The following C1orf226 variants were observed in gnomAD, a reference collection of about 807,000 sequenced individuals.
C1orf226 encodes the protein chromosome 1 open reading frame 226, also known as uncharacterized protein C1orf226.
A neutral mutation model predicts 10.5 loss-of-function variants in C1orf226; 4 were observed. That is an observed-to-expected ratio of 0.38 (90% CI 0.19 to 0.87). The LOEUF (loss-of-function observed/expected upper bound fraction) is 0.87. C1orf226 is among the 40% of genes least tolerant of loss of function. The probability of loss-of-function intolerance (pLI) is 0.41; values close to 1 mark genes in which losing one functional copy is unlikely to be tolerated. For synonymous variants in C1orf226, 125 were observed against 139.3 expected (o/e 0.90, Z 0.72); for missense variants, 313 against 336.2 (o/e 0.93, Z 0.54).
chr1:162,383,311 G>T lies in C1orf226; in HGVS notation c.447G>T (p.Glu149Asp). The T allele has an allele frequency of 6.2e-7, 1 of 1,612,994 alleles. No individual in the cohort carries two copies. The highest frequency in any genetic ancestry group is 8.5e-7 in the Non-Finnish European group (1 of 1,179,396). ...ISSQPVLSSL[E>D]YGTEPSPGQA... is the part of the protein sequence containing the mutation. ...CACAGCCTGTCCTCAGCAGTCTGGA[G>T]TATGGGACAGAGCCATCACCTGGGC... is the stretch of plus-strand genomic sequence containing the variant. The change falls in exon 2 of 2, where the codon GAG becomes GAT. Residue 149 changes from glutamate (E) to aspartate (D), a missense_variant. Glu to Asp is a conservative substitution (Grantham distance 45). Transcript: ENST00000458626.
chr1:162,383,624 G>A lies in C1orf226; in HGVS notation c.760G>A (p.Ala254Thr). 6.2e-7 allele frequency: 1 copy of A among 1,609,294 alleles called. No homozygotes were observed. The highest frequency in any genetic ancestry group is 8.5e-7 in the Non-Finnish European group (1 of 1,177,966). The change falls in exon 2 of 2, where the codon GCA becomes ACA. Residue 254 changes from alanine (A) to threonine (T), a missense_variant. Ala to Thr is a moderately conservative substitution (Grantham distance 58, BLOSUM62 0). Coordinates refer to ENST00000458626, the MANE Select transcript of C1orf226 (RefSeq NM_001085375.2). Reference protein sequence around the residue: ...SWEDGSPPPQARTSSLDNEGP... With the variant: ...SWEDGSPPPQTRTSSLDNEGP... ...GGAGGATGGCAGCCCCCCTCCTCAG[G>A]CACGGACCTCCAGCCTCGACAATGA...
rs868392208 is a variant in C1orf226 at position 162,383,244 on chromosome 1, C to A, written c.380C>A (p.Thr127Asn). Reference sequence around the variant, plus strand: ...CCACCTCCCATAACCAGAAAGCGAACCCCTCGGGCCCTGAAGACCACCCAG... The same window carrying A: ...CCACCTCCCATAACCAGAAAGCGAAACCCTCGGGCCCTGAAGACCACCCAG... ...DPPPPITRKRTPRALKTTQDM... is the reference protein window; with the variant it reads ...DPPPPITRKRNPRALKTTQDM... The change falls in exon 2 of 2, where the codon ACC becomes AAC. Residue 127 changes from threonine (T) to asparagine (N), a missense_variant. Coordinates refer to ENST00000458626, the MANE Select transcript of C1orf226 (RefSeq NM_001085375.2). 1 of 1,612,538 alleles carries A rather than the reference C, an allele frequency of 6.2e-7. No homozygotes were observed. Among genetic ancestry groups the A allele is most frequent in the Non-Finnish European group, 8.5e-7 (1 of 1,179,290 alleles).
rs759216619 is a variant in C1orf226, at chr1:162,382,036, G to A, written c.135G>A (p.Val45=). 1 of 1,611,118 alleles carries A rather than the reference G, an allele frequency of 6.2e-7. No individual in the cohort carries two copies. Among genetic ancestry groups the A allele is most frequent in the Non-Finnish European group, 8.5e-7 (1 of 1,178,982 alleles). ...AGCCTGGGGGGCCAGGACTCTGGGT[G>A]GGCAGCAGCCAGCACCTCAAGAACC... ...SGEPGGPGLW[V]GSSQHLKNLG... is the part of the protein sequence containing the mutation. The change falls in exon 1 of 2, where the codon GTG becomes GTA. Residue 45 remains valine, a synonymous_variant. Coordinates refer to ENST00000458626, the MANE Select transcript of C1orf226 (RefSeq NM_001085375.2).
upstream of C1orf226, chr1:162,379,037 A>G: frequency 2.0e-6 from 3 of 1,531,088 alleles, no homozygotes; most frequent in Non-Finnish European, 2.7e-6. Context: ...GACAGGTAAG[A>G]TATCCTGTTT....
At chr1:162,379,107 G>T, upstream of C1orf226, 3 of 937,126 alleles carry the variant, frequency 3.2e-6, no homozygotes, top group South Asian at 3.0e-5. Flanking sequence ...GCATGTTGGG[G>T]GGTACTGTTG....
At chr1:162,379,044 GT>G (rs777689200), upstream of C1orf226, 9 of 1,507,992 alleles carry the variant, frequency 6.0e-6, no homozygotes, top group East Asian at 2.5e-5. Context: ...AAGATATCCT[GT>G]TTTTTTGTGG....
At position 162,382,075 on chromosome 1, in the gene C1orf226, G is replaced by A. The variant is rs1045168088; in HGVS notation, c.174G>A (p.Met58Ile). The A allele has an allele frequency of 2.3e-5, 37 of 1,602,564 alleles. No individual in the cohort carries two copies. The highest frequency in any genetic ancestry group is 3.2e-5 in the Non-Finnish European group (37 of 1,174,522). Residue 58 changes from methionine to isoleucine, a missense_variant, in exon 1 of 2, where the codon ATG becomes ATA. Transcript: ENST00000458626. ...SQHLKNLGKA[M>I]GAKVNDFLRR... ...ACCTCAAGAACCTGGGCAAAGCCATGGGGGCCAAAGTGAATGACTTCCTGA... is the reference window on the plus strand; with the variant it reads ...ACCTCAAGAACCTGGGCAAAGCCATAGGGGCCAAAGTGAATGACTTCCTGA...
In C1orf226 at chr1:162,381,978, T is replaced by C; in HGVS notation, c.77T>C (p.Val26Ala). Residue 26 changes from valine to alanine, a missense_variant, in exon 1 of 2, where the codon GTG (valine) becomes GCG (alanine). Val to Ala is a moderately conservative substitution (Grantham distance 64). Coordinates refer to ENST00000458626, the MANE Select transcript of C1orf226 (RefSeq NM_001085375.2). ...SRSFPHLSKPVAPGSAPLGSG... is the reference protein window; with the variant it reads ...SRSFPHLSKPAAPGSAPLGSG... ...TCCTTCCCCCACTTGTCCAAGCCCG[T>C]GGCCCCCGGCTCTGCCCCTCTGGGC... 6.2e-7 allele frequency: 1 copy of C among 1,612,870 alleles called. No homozygotes were observed. The highest frequency in any genetic ancestry group is 8.5e-7 in the Non-Finnish European group (1 of 1,179,856).
At chr1:162,381,159 T>C (rs1313923023), upstream of C1orf226, among the ~76,000 whole-genome samples, 1 of 152,232 alleles carries the variant, frequency 6.6e-6, no homozygotes, top group East Asian at 1.9e-4. Flanking sequence ...GGCACGGCAC[T>C]GCATTACGCG....
At chr1:162,379,081 C>A, upstream of C1orf226, 2 of 1,264,976 alleles carry the variant, frequency 1.6e-6, no homozygotes, top group Non-Finnish European at 1.1e-6. Flanking sequence ...AGATGCCCTC[C>A]TCTGCTTGGG....
At position 162,381,870 on chromosome 1, in the gene C1orf226, C is replaced by T. The variant is rs1647924001; in HGVS notation, c.-32C>T. 1 of 1,609,426 alleles carries T rather than the reference C, an allele frequency of 6.2e-7. No individual in the cohort carries two copies. Among genetic ancestry groups the T allele is most frequent in the African/African-American group, 1.3e-5 (1 of 74,646 alleles). On this transcript the variant is annotated 5_prime_UTR_variant, in exon 1 of 2. Transcript: ENST00000458626. Reference sequence around the variant, plus strand: ...GCTCCCCTTTCCTCATCATGCCTCTCTGTCGCCTCTTTGTTCATAGTTGAC... The same window carrying T: ...GCTCCCCTTTCCTCATCATGCCTCTTTGTCGCCTCTTTGTTCATAGTTGAC...
chr1:162,379,004 C>A (rs1385325268), upstream of C1orf226: 2 of 1,550,752 alleles, frequency 1.3e-6, no homozygotes, highest in East Asian at 2.4e-5. Flanking sequence ...TGTTTCCCAC[C>A]TGCTTTCCGA....
chr1:162,383,345 G>C lies in C1orf226; in HGVS notation c.481G>C (p.Asp161His). The C allele has an allele frequency of 6.2e-7, 1 of 1,607,400 alleles. No homozygotes were observed. Among genetic ancestry groups the C allele is most frequent in the Non-Finnish European group, 8.5e-7 (1 of 1,176,650 alleles). ...GTEPSPGQAQ[D>H]SAPTAQPDVP... ...AGAGCCATCACCTGGGCAGGCCCAG[G>C]ACTCCGCTCCCACTGCCCAGCCTGA... Residue 161 changes from aspartate (D) to histidine (H), a missense_variant, in exon 2 of 2, where the codon GAC becomes CAC. Coordinates refer to ENST00000458626, the MANE Select transcript of C1orf226 (RefSeq NM_001085375.2).
rs1413040576 is a variant in C1orf226 at position 162,385,357 on chromosome 1, T to A, written c.*1674T>A. 2 of 152,256 alleles carry A rather than the reference T, an allele frequency of 1.3e-5. No individual in the cohort carries two copies. The highest frequency in any genetic ancestry group is 2.9e-5 in the Non-Finnish European group (2 of 68,056). 9.4% of individuals were successfully genotyped at this position (152,256 alleles called of 1,614,324 possible). ...GAGCCTCAGCAGGATTGCTAGGATGTGGGTTCCTTCCTGCATGCTTGCTTC... is the reference window on the plus strand; with the variant it reads ...GAGCCTCAGCAGGATTGCTAGGATGAGGGTTCCTTCCTGCATGCTTGCTTC... On this transcript the variant is annotated 3_prime_UTR_variant, in exon 2 of 2. Coordinates refer to ENST00000458626, the MANE Select transcript of C1orf226 (RefSeq NM_001085375.2).
chr1:162,382,264 C>G (rs1329186344), intron 1 of C1orf226, 46 bp downstream of exon 1: 1 of 1,530,878 alleles, frequency 6.5e-7, no homozygotes, highest in East Asian at 2.4e-5. Flanking sequence ...TGTGGACCCA[C>G]TTGAAAAGGT....
In C1orf226 at chr1:162,381,738, G is replaced by T; in HGVS notation, c.-164G>T. ...CCCATCAAGAAAACTACACTGGAAA[G>T]TTCAAGAGTGTCTTTGCTGGCTCTT... On this transcript the variant is annotated 5_prime_UTR_variant, in exon 1 of 2. Transcript: ENST00000458626. The T allele has an allele frequency of 6.9e-7, 1 of 1,455,712 alleles. No individual in the cohort carries two copies. The highest frequency in any genetic ancestry group is 9.0e-7 in the Non-Finnish European group (1 of 1,108,722). The allele number at this position is 1,455,712 out of a possible 1,614,324, so 90.2% of individuals were successfully genotyped here.
rs779243380 is a variant in C1orf226, at chr1:162,381,841, T to G, written c.-61T>G. On this transcript the variant is annotated 5_prime_UTR_variant, in exon 1 of 2. Transcript: ENST00000458626. Reference sequence around the variant, plus strand: ...GAAAAACTGAATGATAGAGCACAGGTACCGCTCCCCTTTCCTCATCATGCC... The same window carrying G: ...GAAAAACTGAATGATAGAGCACAGGGACCGCTCCCCTTTCCTCATCATGCC... 4.4e-6 allele frequency: 7 copies of G among 1,595,804 alleles called. No homozygotes were observed. The highest frequency in any genetic ancestry group is 1.7e-4 in the Middle Eastern group (1 of 6,000).
At chr1:162,381,328 A>G (rs959200931), upstream of C1orf226, among the ~76,000 whole-genome samples, 3 of 152,178 alleles carry the variant, frequency 2.0e-5, no homozygotes, top group African/African-American at 7.2e-5. Flanking sequence ...ACCACCACTT[A>G]GCACCTCTGC....
upstream of C1orf226, among the ~76,000 whole-genome samples, chr1:162,381,409 A>G (rs977400224): frequency 6.6e-6 from 1 of 152,056 alleles, no homozygotes; most frequent in Non-Finnish European, 1.5e-5. Flanking sequence ...TTTTGTGGAG[A>G]ATATGTGCTA....
Sources: gnomAD v4.1 joint callset for allele counts (sites outside exome capture counted in the v4.1 genomes callset) on GRCh38, gnomAD v4.1.1 for gene constraint, MANE v1.5 for transcripts, NCBI Gene and HGNC (gene_info 2026-07-23, HGNC 2026-07-21) for gene names.